The following LRRC4C variants were observed in gnomAD, a reference collection of about 807,000 sequenced individuals.
The protein encoded by LRRC4C is leucine-rich repeat-containing protein 4C.
A neutral mutation model predicts 33.6 loss-of-function variants in LRRC4C; 5 were observed. The observed-to-expected ratio is 0.15, with a 90% CI of 0.08 to 0.31. The LOEUF (loss-of-function observed/expected upper bound fraction) is 0.31. LRRC4C is among the 10% of genes least tolerant of loss of function. LRRC4C has a pLI of 1.00. For missense variants in LRRC4C, 560 were observed against 796.7 expected, an observed-to-expected ratio of 0.70 and a Z score of 3.58; for synonymous variants, 329 against 302.0, an observed-to-expected ratio of 1.09 and a Z score of -0.93.
chr11:40,745,521 T>C (rs1471838541), intron 2 of LRRC4C, among the ~76,000 whole-genome samples: 1 of 152,204 alleles, frequency 6.6e-6, no homozygotes, highest in Non-Finnish European at 1.5e-5. Context: ...AAATAACGAC[T>C]GAATTAGCAT....
At position 40,268,680 on chromosome 11, in the gene LRRC4C, G is replaced by T. The variant is rs549128307; in HGVS notation, c.-175-27082C>A. ...AAAAAAATCAGCAAAAAAAATAAAA[G>T]ATTAAAAATATGGCTTTTAACACAT... On this transcript the variant is annotated intron_variant, in intron 4 of 6. Coordinates refer to ENST00000528697, the MANE Select transcript of LRRC4C (RefSeq NM_001258419.2). Among the ~76,000 whole-genome samples, 14 of 152,018 alleles carry T rather than the reference G, an allele frequency of 9.2e-5. No individual in the cohort carries two copies. The South Asian group carries it at 2.5e-3, about 27-fold the overall frequency.
intron 2 of LRRC4C, among the ~76,000 whole-genome samples, chr11:40,788,279 A>G (rs890175645): frequency 6.6e-6 from 1 of 151,606 alleles, no homozygotes; most frequent in Non-Finnish European, 1.5e-5. Context: ...GTAATATTCA[A>G]CCTCAATAAA....
chr11:40,227,609 G>A (rs910185510), intron 5 of LRRC4C, among the ~76,000 whole-genome samples: 1 of 152,158 alleles, frequency 6.6e-6, no homozygotes, highest in Middle Eastern at 3.2e-3. Context: ...AGGGTATGCA[G>A]TGTCACATCC....
chr11:41,233,432 T>G (rs1226346001), intron 1 of LRRC4C, among the ~76,000 whole-genome samples: 3 of 151,982 alleles, frequency 2.0e-5, no homozygotes, highest in African/African-American at 7.2e-5. Flanking sequence ...TCATAAAAAC[T>G]CTGCAATAAT....
At chr11:41,225,497 C>A (rs1054032819) in intron 1 of LRRC4C, among the ~76,000 whole-genome samples, 2 of 151,980 alleles carry the variant, frequency 1.3e-5, no homozygotes, top group African/African-American at 4.8e-5. Context: ...TTTATTGAGT[C>A]TCCATATTAA....
intron 1 of LRRC4C, among the ~76,000 whole-genome samples, chr11:41,452,484 C>T (rs545797125): frequency 1.2e-4 from 19 of 152,122 alleles, no homozygotes; most frequent in African/African-American, 4.1e-4. Flanking sequence ...TTCTTTGTTC[C>T]TTGACAGTTT....
intron 3 of LRRC4C, among the ~76,000 whole-genome samples, chr11:40,409,911 A>G (rs1255427715): frequency 6.6e-6 from 1 of 152,102 alleles, no homozygotes; most frequent in African/African-American, 2.4e-5. Context: ...TGATTTAGCC[A>G]TTTTACAGTG....
At chr11:40,640,556 T>C (rs1428449501) in intron 3 of LRRC4C, among the ~76,000 whole-genome samples, 5 of 152,062 alleles carry the variant, frequency 3.3e-5, no homozygotes, top group African/African-American at 9.6e-5. Context: ...ATATTTTAAA[T>C]AGGTTATAAC....
At chr11:40,603,614 C>T (rs147072090) in intron 3 of LRRC4C, among the ~76,000 whole-genome samples, 7 of 152,228 alleles carry the variant, frequency 4.6e-5, no homozygotes, top group South Asian at 2.1e-4. Flanking sequence ...CCCAATTCTC[C>T]GGAATATGGT....
intron 1 of LRRC4C, among the ~76,000 whole-genome samples, chr11:41,290,700 C>T (rs1465422641): frequency 2.0e-5 from 3 of 152,112 alleles, no homozygotes; most frequent in Non-Finnish European, 4.4e-5. Flanking sequence ...ACTCTCCCCT[C>T]ATTCTACCCT....
intron 1 of LRRC4C, among the ~76,000 whole-genome samples, chr11:41,229,424 G>A (rs539211935): frequency 6.6e-6 from 1 of 152,010 alleles, no homozygotes; most frequent in Non-Finnish European, 1.5e-5. Context: ...AGCCCAAGCC[G>A]ACTAATACAG....
chr11:41,392,281 T>C (rs559464507), intron 1 of LRRC4C, among the ~76,000 whole-genome samples: 1 of 152,032 alleles, frequency 6.6e-6, no homozygotes, highest in Admixed American at 6.6e-5. Context: ...TGTCAAGATG[T>C]GTTCCTCTTT....
intron 4 of LRRC4C, chr11:40,241,932 C>T (rs1316610369): frequency 6.6e-6 from 1 of 152,166 alleles, no homozygotes; most frequent in African/African-American, 2.4e-5. Flanking sequence ...TCTCCTCCCC[C>T]TTCTGAGGAT....
At chr11:40,902,021 C>T (rs1956231159) in intron 2 of LRRC4C, among the ~76,000 whole-genome samples, 1 of 150,920 alleles carries the variant, frequency 6.6e-6, no homozygotes, top group African/African-American at 2.4e-5. Flanking sequence ...CACACACACA[C>T]ACACACACAC....
chr11:41,299,124 C>T (rs1202112337), intron 1 of LRRC4C, among the ~76,000 whole-genome samples: 2 of 152,076 alleles, frequency 1.3e-5, no homozygotes, highest in African/African-American at 4.8e-5. Flanking sequence ...AAAAAGATTT[C>T]TGTTCCCTTG....
intron 2 of LRRC4C, among the ~76,000 whole-genome samples, chr11:40,692,295 G>C (rs903349405): frequency 3.9e-5 from 6 of 151,950 alleles, no homozygotes; most frequent in Admixed American, 3.3e-4. Context: ...GCAGGGGTGA[G>C]GTGGGGGGGA....
chr11:40,182,188 A>G (rs1861062075), intron 5 of LRRC4C, among the ~76,000 whole-genome samples: 1 of 152,228 alleles, frequency 6.6e-6, no homozygotes, highest in Admixed American at 6.5e-5. Context: ...ACTTTCTGCT[A>G]AGCACATTAC....
At chr11:41,381,667 T>G (rs560670440) in intron 1 of LRRC4C, among the ~76,000 whole-genome samples, 1 of 150,298 alleles carries the variant, frequency 6.7e-6, no homozygotes, top group African/African-American at 2.4e-5. Flanking sequence ...AAAAAGATAA[T>G]AAGCAATTCT....
At chr11:40,351,127 AATGGTGAAAGTGGGC>A in intron 3 of LRRC4C, among the ~76,000 whole-genome samples, 1 of 152,172 alleles carries the variant, frequency 6.6e-6, no homozygotes, top group South Asian at 2.1e-4. Context: ...TTTCAATAGT[AATGGTGAAAGTGGGC>A]ATCCTTGACT....
Sources: gnomAD v4.1 joint callset for allele counts (sites outside exome capture counted in the v4.1 genomes callset) on GRCh38, gnomAD v4.1.1 for gene constraint, MANE v1.5 for transcripts, NCBI Gene and HGNC (gene_info 2026-07-23, HGNC 2026-07-21) for gene names.